The following ANKFY1 variants were observed in gnomAD, a reference collection of about 807,000 sequenced individuals.
ANKFY1 encodes ankyrin repeat and FYVE domain-containing protein 1.
Under a neutral mutation model 128.3 loss-of-function variants are expected in ANKFY1, and 47 were observed. That is an observed-to-expected ratio of 0.37 (90% CI 0.29 to 0.47). The LOEUF (loss-of-function observed/expected upper bound fraction) is 0.47. ANKFY1 is among the 20% of genes least tolerant of loss of function. The probability of loss-of-function intolerance (pLI) is 1.00; values close to 1 mark genes in which losing one functional copy is unlikely to be tolerated. For missense variants in ANKFY1, 1,222 were observed against 1,510.6 expected (o/e 0.81, Z 3.17); for synonymous variants, 553 against 601.6 (o/e 0.92, Z 1.18).
rs755556651 is a variant in ANKFY1, at chr17:4,217,094, G to T, written c.347C>A (p.Thr116Lys). The T allele has an allele frequency of 1.9e-6, 3 of 1,612,618 alleles. No homozygotes were observed. In the Admixed American group the frequency reaches 5.0e-5, roughly 27 times the overall value. Reference protein sequence around the residue: ...LSDANPEVTMTMLRWIYTDEL... With the variant: ...LSDANPEVTMKMLRWIYTDEL... ...ATCTGTATAGATCCAGCGAAGCATT[G>T]TCATCGTCACCTCAGGATTAGCATC... The change falls in exon 4 of 25, where the codon ACA becomes AAA. Residue 116 changes from threonine to lysine, a missense_variant. Coordinates refer to ENST00000341657, the MANE Select transcript of ANKFY1 (RefSeq NM_001330063.2).
intron 16 of ANKFY1, 178 bp from the exon 17 acceptor site, chr17:4,180,055 T>C: frequency 1.3e-6 from 1 of 747,660 alleles, no homozygotes; most frequent in Admixed American, 2.8e-5. Context: ...CCATAGATTC[T>C]TCTGTGACTG....
At chr17:4,236,655 T>A (rs1966924218) in intron 2 of ANKFY1, among the ~76,000 whole-genome samples, 1 of 152,190 alleles carries the variant, frequency 6.6e-6, no homozygotes, top group Non-Finnish European at 1.5e-5. Context: ...ACATGCCGTA[T>A]GGCTATGCTG....
At position 4,178,396 on chromosome 17, in the gene ANKFY1, G is replaced by A. The variant is rs1459732993; in HGVS notation, c.2598+461C>T. 3 of 198,150 alleles carry A rather than the reference G, an allele frequency of 1.5e-5. No individual in the cohort carries two copies. Among genetic ancestry groups the A allele is most frequent in the East Asian group, 2.2e-4 (2 of 9,272 alleles). 12.3% of individuals were successfully genotyped at this position (198,150 alleles called of 1,614,324 possible). ...ATTTCCCAGCCAACTGCTTGTTGCA[G>A]ATCAACAGTTCACCATCCCGATGTA... On this transcript the variant is annotated intron_variant, in intron 18 of 24. Transcript: ENST00000341657. This position sits in a 1 kb window ranked among gnomAD's most constrained non-coding sequence, Gnocchi z 4.1.
intron 1 of ANKFY1, among the ~76,000 whole-genome samples, chr17:4,243,932 AT>A (rs113664000): frequency 2.1e-3 from 303 of 144,434 alleles, no homozygotes; most frequent in African/African-American, 3.5e-3. Context: ...AAGATAAACA[AT>A]TTTTTTTTTT....
chr17:4,178,055 C>T lies in ANKFY1; in HGVS notation c.2599-753G>A, dbSNP rs1401924020. 6.6e-6 allele frequency: 1 copy of T among 152,570 alleles called. No homozygotes were observed. Among genetic ancestry groups the T allele is most frequent in the Non-Finnish European group, 1.5e-5 (1 of 68,276 alleles). The allele number at this position is 152,570 out of a possible 1,614,324, so 9.5% of individuals were successfully genotyped here. On this transcript the variant is annotated intron_variant, in intron 18 of 24. Coordinates refer to ENST00000341657, the MANE Select transcript of ANKFY1 (RefSeq NM_001330063.2). The surrounding 1 kb of genome is among the most constrained non-coding windows in gnomAD (Gnocchi z 4.1). ...CGGATCCACAAAGCGCTTTCATCAG[C>T]AGTCCAGTTTCACACTGGAGAGAAG... is the stretch of plus-strand genomic sequence containing the variant.
At chr17:4,206,201 G>T in intron 7 of ANKFY1, 120 bp downstream of exon 7, 1 of 1,045,360 alleles carries the variant, frequency 9.6e-7, no homozygotes, top group Non-Finnish European at 1.4e-6. Flanking sequence ...AGATCATGTA[G>T]CCTGTGAGTA....
chr17:4,181,510 AT>A lies in ANKFY1; in HGVS notation c.2122-139del. On this transcript the variant is annotated intron_variant, in intron 15 of 24. Coordinates refer to ENST00000341657, the MANE Select transcript of ANKFY1 (RefSeq NM_001330063.2). This position sits in a 1 kb window ranked among gnomAD's most constrained non-coding sequence, Gnocchi z 4.9. The stretch of plus-strand genomic sequence containing the variant: ...TGATAATAAATTGATAATTACTTTA[AT>A]CTGTATCACTCATTATTTTACAAAC... The A allele has an allele frequency of 1.5e-6, 1 of 661,694 alleles. No homozygotes were observed. The highest frequency in any genetic ancestry group is 2.6e-5 in the East Asian group (1 of 37,992). 41.0% of individuals were successfully genotyped at this position (661,694 alleles called of 1,614,324 possible). A position where few individuals can be genotyped will look rare whatever the true frequency, so the allele number is the denominator to read the frequency against.
At chr17:4,223,615 G>A in intron 3 of ANKFY1, 3 of 1,420,406 alleles carry the variant, frequency 2.1e-6, no homozygotes, top group Non-Finnish European at 3.0e-6. Context: ...GGGAACTCAT[G>A]ACTCTGGGCC....
intron 19 of ANKFY1, among the ~76,000 whole-genome samples, chr17:4,175,277 G>A (rs2059392999): frequency 6.6e-6 from 1 of 151,116 alleles, no homozygotes. Flanking sequence ...AGCCTGCAGC[G>A]AGCTGTGATC....
intron 1 of ANKFY1, chr17:4,263,672 C>G: frequency 6.5e-7 from 1 of 1,533,250 alleles, no homozygotes; most frequent in Non-Finnish European, 8.7e-7. Context: ...GCACGCAGCA[C>G]CGGCGCGGGA....
intron 19 of ANKFY1, among the ~76,000 whole-genome samples, chr17:4,175,786 G>C (rs1567910043): frequency 1.3e-5 from 2 of 152,206 alleles, no homozygotes; most frequent in Non-Finnish European, 2.9e-5. Context: ...CCCCACAGCT[G>C]GTTAACTGGG....
intron 1 of ANKFY1, among the ~76,000 whole-genome samples, chr17:4,251,959 G>A (rs113557649): frequency 9.4e-4 from 142 of 151,632 alleles, no homozygotes; most frequent in African/African-American, 3.3e-3. Context: ...ACTTGAATCC[G>A]GGAGACAGAG....
At position 4,183,494 on chromosome 17, in the gene ANKFY1, A is replaced by G. The variant is rs755051926; in HGVS notation, c.1856T>C (p.Met619Thr). 7.4e-6 allele frequency: 12 copies of G among 1,613,298 alleles called. No individual in the cohort carries two copies. The highest frequency in any genetic ancestry group is 1.0e-5 in the Non-Finnish European group (12 of 1,180,006). Reference sequence around the variant, plus strand: ...GTGCAGTAGCGTCTGCCCATCCGACATGGTGTCATTGATGGCGGCTCCAGA... The same window carrying G: ...GTGCAGTAGCGTCTGCCCATCCGACGTGGTGTCATTGATGGCGGCTCCAGA... ...LGSGAAINDT[M>T]SDGQTLLHMA... Residue 619 changes from methionine to threonine, a missense_variant, in exon 14 of 25, where the codon ATG becomes ACG. Coordinates refer to ENST00000341657, the MANE Select transcript of ANKFY1 (RefSeq NM_001330063.2).
At chr17:4,197,644 G>A in intron 7 of ANKFY1, 67 bp from the exon 8 acceptor site, 1 of 1,472,006 alleles carries the variant, frequency 6.8e-7, no homozygotes, top group Non-Finnish European at 9.4e-7. Context: ...TCTTCAAGAG[G>A]GAGCAGAAAA....
intron 7 of ANKFY1, among the ~76,000 whole-genome samples, chr17:4,204,125 C>T (rs1567940831): frequency 6.6e-6 from 1 of 152,056 alleles, no homozygotes; most frequent in Non-Finnish European, 1.5e-5. Context: ...CAGACTAAAC[C>T]AAAATCTCAT....
At chr17:4,220,286 T>C (rs1312179592) in intron 3 of ANKFY1, among the ~76,000 whole-genome samples, 2 of 152,196 alleles carry the variant, frequency 1.3e-5, no homozygotes, top group Non-Finnish European at 2.9e-5. Context: ...GCTTTGTAAA[T>C]TGGGTTCAAT....
chr17:4,237,565 T>G (rs760592699), intron 2 of ANKFY1, among the ~76,000 whole-genome samples: 3 of 152,198 alleles, frequency 2.0e-5, no homozygotes, highest in Admixed American at 6.5e-5. Flanking sequence ...CTGTACTGTT[T>G]CAACCACGAG....
chr17:4,238,557 T>A (rs1304453952), intron 2 of ANKFY1, among the ~76,000 whole-genome samples: 1 of 151,680 alleles, frequency 6.6e-6, no homozygotes, highest in East Asian at 1.9e-4. Flanking sequence ...CACCACAACC[T>A]CCACCTCCCA....
chr17:4,220,248 C>T (rs769802624), intron 3 of ANKFY1, among the ~76,000 whole-genome samples: 1 of 152,234 alleles, frequency 6.6e-6, no homozygotes, highest in South Asian at 2.1e-4. Flanking sequence ...CATAGTAGAT[C>T]TTGGAAGTAG....
Sources: gnomAD v4.1 joint callset for allele counts (sites outside exome capture counted in the v4.1 genomes callset) on GRCh38, gnomAD v4.1.1 for gene constraint, Gnocchi (gnomAD v3.1) non-coding constraint, MANE v1.5 for transcripts, NCBI Gene and HGNC (gene_info 2026-07-23, HGNC 2026-07-21) for gene names.